The following HTR3A variants were observed in gnomAD, a reference collection of about 807,000 sequenced individuals.
HTR3A encodes 5-hydroxytryptamine receptor 3A, also known as 5-hydroxytryptamine (serotonin) receptor 3A, ionotropic.
A neutral mutation model predicts 54.8 loss-of-function variants in HTR3A; 45 were observed. The ratio of observed to expected loss-of-function variants is 0.82; its 90% confidence interval spans 0.65 to 1.05. The LOEUF (loss-of-function observed/expected upper bound fraction) is 1.05, where lower values mean the gene tolerates loss of function less well. Among genes scored for constraint, HTR3A ranks in the 50% least tolerant of loss-of-function variants. The pLI is 0.00. For missense variants in HTR3A, 657 were observed against 614.0 expected (o/e 1.07, Z -0.74); for synonymous variants, 297 against 256.0 (o/e 1.16, Z -1.53).
At position 113,983,181 on chromosome 11, in the gene HTR3A, CA is replaced by C. The variant is rs1220204684; in HGVS notation, c.437del (p.Gln146ArgfsTer9). 12 of 1,614,102 alleles carry C rather than the reference CA, an allele frequency of 7.4e-6. No individual in the cohort carries two copies. The highest frequency in any genetic ancestry group is 1.0e-5 in the Non-Finnish European group (12 of 1,180,042). ...YVYIRHQGEVQNYKPLQVVTA... is the reference protein window; with the variant it reads ...YVYIRHQGEVXNYKPLQVVTA... Reference sequence around the variant, plus strand: ...GTATATTCGGCATCAAGGCGAAGTTCAGAACTACAAGCCCCTTCAGGTGGTG... The same window carrying C: ...GTATATTCGGCATCAAGGCGAAGTTCGAACTACAAGCCCCTTCAGGTGGTG... On this transcript the variant is annotated frameshift_variant, in exon 5 of 9. Coordinates refer to ENST00000504030, the MANE Select transcript of HTR3A (RefSeq NM_000869.6). LOFTEE classifies it high-confidence loss of function.
chr11:113,975,492 G>A, intron 1 of HTR3A, 100 bp downstream of exon 1: 1 of 960,858 alleles, frequency 1.0e-6, no homozygotes. Context: ...GGAGGGTGGG[G>A]AACAGTGCAG....
intron 1 of HTR3A, among the ~76,000 whole-genome samples, chr11:113,976,126 A>G (rs1032218082): frequency 6.6e-6 from 1 of 152,140 alleles, no homozygotes; most frequent in African/African-American, 2.4e-5. Context: ...CTGGGGCACA[A>G]TTAGAGGAAG....
chr11:113,986,984 A>G lies in HTR3A; in HGVS notation c.1076A>G (p.Glu359Gly). ...ERIAWLLCLREQSTSQRPPAT... is the reference protein window; with the variant it reads ...ERIAWLLCLRGQSTSQRPPAT... The stretch of plus-strand genomic sequence containing the variant: ...ATCGCCTGGCTACTTTGCCTGAGGG[A>G]GCAGTCAACTTCCCAGAGGCCCCCA... Residue 359 changes from glutamate to glycine, a missense_variant, in exon 8 of 9, where the codon GAG (glutamate) becomes GGG (glycine). Glu to Gly is a moderately conservative substitution (Grantham distance 98). Transcript: ENST00000504030. 1 of 1,613,948 alleles carries G rather than the reference A, an allele frequency of 6.2e-7. No homozygotes were observed. The highest frequency in any genetic ancestry group is 8.5e-7 in the Non-Finnish European group (1 of 1,179,984).
At chr11:113,987,835 C>CATA (rs1306757599) in intron 8 of HTR3A, among the ~76,000 whole-genome samples, 1 of 152,212 alleles carries the variant, frequency 6.6e-6, no homozygotes, top group East Asian at 1.9e-4. Context: ...GTTCATACTT[C>CATA]CTGAGGAATT....
rs370520862 is a variant in HTR3A at position 113,986,536 on chromosome 11, C to T, written c.724C>T (p.Pro242Ser). 61 of 1,612,606 alleles carry T rather than the reference C, an allele frequency of 3.8e-5. No individual in the cohort carries two copies. The highest frequency in any genetic ancestry group is 5.0e-5 in the Admixed American group (3 of 60,008). Reference protein sequence around the residue: ...MKFYVVIRRRPLFYVVSLLLP... With the variant: ...MKFYVVIRRRSLFYVVSLLLP... ...GTCCCAGGTGGTCATCCGCCGGCGGCCCCTCTTCTATGTGGTCAGCCTGCT... is the reference window on the plus strand; with the variant it reads ...GTCCCAGGTGGTCATCCGCCGGCGGTCCCTCTTCTATGTGGTCAGCCTGCT... The change falls in exon 7 of 9, where the codon CCC (proline) becomes TCC (serine). Residue 242 changes from proline (P) to serine (S), a missense_variant. Coordinates refer to ENST00000504030, the MANE Select transcript of HTR3A (RefSeq NM_000869.6).
At chr11:113,984,072 C>G (rs1237514278) in intron 5 of HTR3A, among the ~76,000 whole-genome samples, 3 of 152,112 alleles carry the variant, frequency 2.0e-5, no homozygotes, top group Admixed American at 1.3e-4. Context: ...ATGTTGTTTC[C>G]TCTCCTATGC....
chr11:113,981,422 T>C (rs1181397221), intron 4 of HTR3A, 110 bp downstream of exon 4: 12 of 739,266 alleles, frequency 1.6e-5, no homozygotes, highest in Admixed American at 2.0e-5. Context: ...CCACCAGGAA[T>C]TGCAGACTGT....
rs946094261 is a variant in HTR3A, at chr11:113,986,180, G to A, written c.705+5G>A. The A allele has an allele frequency of 6.2e-7, 1 of 1,614,188 alleles. No homozygotes were observed. Among genetic ancestry groups the A allele is most frequent in the Non-Finnish European group, 8.5e-7 (1 of 1,180,026 alleles). On this transcript the variant is annotated splice_donor_5th_base_variant and intron_variant, in intron 6 of 8. Coordinates refer to ENST00000504030, the MANE Select transcript of HTR3A (RefSeq NM_000869.6). ...TATGCAGAAATGAAGTTCTATGTGA[G>A]TGGGAGTGAATGTGGGTAAAATGGT...
rs1356135427 is a variant in HTR3A at position 113,977,789 on chromosome 11, C to T, written c.86C>T (p.Thr29Ile). The T allele has an allele frequency of 1.9e-6, 3 of 1,614,014 alleles. No individual in the cohort carries two copies. Among genetic ancestry groups the T allele is most frequent in the African/African-American group, 2.7e-5 (2 of 74,900 alleles). Residue 29 changes from threonine (T) to isoleucine (I), a missense_variant, in exon 2 of 9, where the codon ACC becomes ATC. Coordinates refer to ENST00000504030, the MANE Select transcript of HTR3A (RefSeq NM_000869.6). ...AQGEARRSRN[T>I]TRPALLRLSD... is the part of the protein sequence containing the mutation. ...TTCCCAGCCAGGAGGAGCCGAAACA[C>T]CACCAGGCCCGCTCTGCTGAGGCTG... is the stretch of plus-strand genomic sequence containing the variant.
intron 5 of HTR3A, among the ~76,000 whole-genome samples, chr11:113,984,929 G>GAA (rs71063538): frequency 6.8e-4 from 100 of 147,412 alleles, no homozygotes; most frequent in Middle Eastern, 3.4e-3. Context: ...TCTCAAAAAA[G>GAA]AAAAAAAAAA....
At chr11:113,976,604 TGTGTGTGTG>T (rs763900977) in intron 1 of HTR3A, among the ~76,000 whole-genome samples, 1 of 148,060 alleles carries the variant, frequency 6.8e-6, no homozygotes, top group South Asian at 2.2e-4. Flanking sequence ...TGTGTGTGTG[TGTGTGTGTG>T]TTCTCTCTGC....
rs756208119 is a variant in HTR3A, at chr11:113,985,715, T to TTG, written c.545-285_545-284dup. 3.3e-3 allele frequency among the ~76,000 whole-genome samples: 475 copies of TTG among 143,284 alleles called. 1 individual carries two copies. The highest frequency in any genetic ancestry group is 0.012 in the African/African-American group (444 of 37,678). The allele number at this position is 143,284 out of a possible 152,430, so 94.0% of individuals were successfully genotyped here. On this transcript the variant is annotated intron_variant, in intron 5 of 8. Coordinates refer to ENST00000504030, the MANE Select transcript of HTR3A (RefSeq NM_000869.6). ...GGAAGGGGTGTGTGTGTGTGTGTGT[T>TTG]TGTGTGTGTGTGTGTGAAGGAGAGA...
Position 113,975,248 on chromosome 11 carries a change from G to A in HTR3A, c.-78G>A, listed in dbSNP as rs767093178. The stretch of plus-strand genomic sequence containing the variant: ...GCAGGCTGGCTGGGACATGAGGTTG[G>A]CAGAGGGCAGGCAAGCTGGCCCTTG... On this transcript the variant is annotated 5_prime_UTR_variant, in exon 1 of 9. Coordinates refer to ENST00000504030, the MANE Select transcript of HTR3A (RefSeq NM_000869.6). 1.4e-6 allele frequency: 2 copies of A among 1,425,794 alleles called. No individual in the cohort carries two copies. The highest frequency in any genetic ancestry group is 2.3e-5 in the East Asian group (1 of 43,346). 88.3% of individuals were successfully genotyped at this position (1,425,794 alleles called of 1,614,324 possible). A position where few individuals can be genotyped will look rare whatever the true frequency, so the allele number is the denominator to read the frequency against.
intron 6 of HTR3A, 113 bp downstream of exon 6, chr11:113,986,288 A>T (rs972786674): frequency 1.5e-6 from 2 of 1,337,456 alleles, no homozygotes; most frequent in Non-Finnish European, 2.1e-6. Context: ...AGGGTTGCAC[A>T]CATCTGGAAC....
chr11:113,979,153 C>A, intron 2 of HTR3A, 80 bp from the exon 3 acceptor site: 2 of 1,086,402 alleles, frequency 1.8e-6, no homozygotes, highest in Admixed American at 1.7e-5. Flanking sequence ...ACAAGGAAGC[C>A]CCTCCTTTAG....
At chr11:113,977,131 AG>A (rs1357333533) in intron 1 of HTR3A, among the ~76,000 whole-genome samples, 1 of 152,148 alleles carries the variant, frequency 6.6e-6, no homozygotes, top group Non-Finnish European at 1.5e-5. Flanking sequence ...GGACTGGGCC[AG>A]CCCTCCACCC....
rs1426994500 is a variant in HTR3A, at chr11:113,983,294, G to A, written c.544+5G>A. 6.2e-7 allele frequency: 1 copy of A among 1,613,740 alleles called. No homozygotes were observed. Among genetic ancestry groups the A allele is most frequent in the Non-Finnish European group, 8.5e-7 (1 of 1,180,052 alleles). ...TCACCAGTTGGCTGCACACCAGTGA[G>A]TATGTGGGCTTCGCCGGGACAGGGG... is the stretch of plus-strand genomic sequence containing the variant. On this transcript the variant is annotated splice_donor_5th_base_variant and intron_variant, in intron 5 of 8. Coordinates refer to ENST00000504030, the MANE Select transcript of HTR3A (RefSeq NM_000869.6).
intron 1 of HTR3A, 39 bp from the exon 2 acceptor site, chr11:113,977,732 G>A: frequency 2.5e-6 from 4 of 1,608,060 alleles, no homozygotes; most frequent in Non-Finnish European, 3.4e-6. Flanking sequence ...GGGAAGTCTT[G>A]GGGGGCTGGT....
intron 5 of HTR3A, among the ~76,000 whole-genome samples, chr11:113,984,683 C>T (rs926621937): frequency 7.2e-5 from 11 of 152,128 alleles, no homozygotes; most frequent in Non-Finnish European, 1.0e-4. Context: ...CTTTGGGAGG[C>T]GTAGGCAGGT....
Sources: allele counts gnomAD v4.1 joint callset (sites outside exome capture counted in the v4.1 genomes callset), GRCh38; gene constraint gnomAD v4.1.1; transcripts MANE v1.5; gene names NCBI Gene and HGNC (gene_info 2026-07-23, HGNC 2026-07-21).